The following NOLC1 variants were observed in gnomAD, a reference collection of about 807,000 sequenced individuals.
NOLC1 encodes the protein nucleolar and coiled-body phosphoprotein 1, also known as 140 kDa nucleolar phosphoprotein.
A neutral mutation model predicts 73.4 loss-of-function variants in NOLC1; 37 were observed. The observed-to-expected ratio is 0.50, with a 90% CI of 0.39 to 0.66. The LOEUF (loss-of-function observed/expected upper bound fraction) is 0.66, where lower values mean the gene tolerates loss of function less well. Ranked by LOEUF, NOLC1 falls within the 30% of genes least tolerant of loss-of-function variation. The pLI, the probability that NOLC1 is intolerant of heterozygous loss-of-function variation, is 0.00. For synonymous variants in NOLC1, 327 were observed against 302.6 expected (o/e 1.08, Z -0.84); for missense variants, 921 against 838.9 (o/e 1.10, Z -1.21).
rs1470195120 is a variant in NOLC1 at position 102,160,437 on chromosome 10, C to T, written c.1100-15C>T. The T allele has an allele frequency of 1.4e-5, 23 of 1,612,206 alleles. No individual in the cohort carries two copies. The highest frequency in any genetic ancestry group is 1.9e-5 in the Non-Finnish European group (22 of 1,179,140). ...CAATTTGGGGAGCTGTTGATTCCAT[C>T]CCTTCTGTGTCTAGACTCTGACAGC... is the stretch of plus-strand genomic sequence containing the variant. On this transcript the variant is annotated splice_polypyrimidine_tract_variant and intron_variant, in intron 9 of 12. Transcript: ENST00000605788.
At chr10:102,162,025 T>G (rs1206453224) in intron 12 of NOLC1, 86 bp from the exon 13 acceptor site, 96 of 1,603,696 alleles carry the variant, frequency 6.0e-5, no homozygotes, top group Non-Finnish European at 7.8e-5. Context: ...TGGGTTCAGG[T>G]TTCCTTGAGC....
intron 1 of NOLC1, 131 bp downstream of exon 1, chr10:102,152,661 C>T (rs974335954): frequency 2.5e-5 from 33 of 1,317,198 alleles, no homozygotes; most frequent in Non-Finnish European, 3.0e-5. Context: ...TTTACGCCGA[C>T]CCCTCGGCAG....
intron 1 of NOLC1, among the ~76,000 whole-genome samples, 162 bp from the exon 2 acceptor site, chr10:102,156,857 C>T (rs980630109): frequency 6.6e-6 from 1 of 152,044 alleles, no homozygotes; most frequent in Non-Finnish European, 1.5e-5. Flanking sequence ...TTGGGAAATC[C>T]ACAAATAGAA....
At position 102,162,224 on chromosome 10, in the gene NOLC1, C is replaced by T. The variant is rs1433454030; in HGVS notation, c.2055C>T (p.Gly685=). 1.9e-6 allele frequency: 3 copies of T among 1,614,010 alleles called. No homozygotes were observed. Among genetic ancestry groups the T allele is most frequent in the East Asian group, 4.5e-5 (2 of 44,890 alleles). The change falls in exon 13 of 13, where the codon GGC becomes GGT. Residue 685 remains glycine (G), a synonymous_variant. Transcript: ENST00000605788. ...TKKKRGSYRG[G]SISVQVNSIK... ...AGAAGCGGGGCAGCTACCGGGGAGG[C>T]TCAATCTCTGTCCAGGTCAATTCTA...
chr10:102,156,966 A>G (rs567421058), intron 1 of NOLC1, 53 bp from the exon 2 acceptor site: 70 of 1,552,554 alleles, frequency 4.5e-5, no homozygotes, highest in African/African-American at 3.7e-4. Flanking sequence ...ACATTTAATG[A>G]AAGCATAACC....
chr10:102,155,279 C>T (rs901642944), intron 1 of NOLC1, among the ~76,000 whole-genome samples: 2 of 152,048 alleles, frequency 1.3e-5, no homozygotes, highest in Non-Finnish European at 1.5e-5. Context: ...CCCGCCTCAG[C>T]CTCACAAAGT....
rs754942578 is a variant in NOLC1 at position 102,157,512 on chromosome 10, G to A, written c.398G>A (p.Ser133Asn). The A allele has an allele frequency of 6.2e-7, 1 of 1,614,144 alleles. No individual in the cohort carries two copies. Among genetic ancestry groups the A allele is most frequent in the South Asian group, 1.1e-5 (1 of 91,068 alleles). The change falls in exon 4 of 13, where the codon AGT becomes AAT. Residue 133 changes from serine (S) to asparagine (N), a missense_variant. Coordinates refer to ENST00000605788, the MANE Select transcript of NOLC1 (RefSeq NM_004741.5). ...GAGAGTAGCAGCAGTGAAGAGTCCA[G>A]TGATGATGATGATGAGGAGGACCAA... ...ASESSSSEESSDDDDEEDQKK... is the reference protein window; with the variant it reads ...ASESSSSEESNDDDDEEDQKK...
chr10:102,161,714 T>C, intron 11 of NOLC1, 52 bp downstream of exon 11: 1 of 1,556,504 alleles, frequency 6.4e-7, no homozygotes, highest in Non-Finnish European at 8.8e-7. Flanking sequence ...AGTAGAAAAA[T>C]CTAGGATCAT....
At chr10:102,159,048 G>C in intron 5 of NOLC1, 145 bp from the exon 6 acceptor site, 2 of 898,570 alleles carry the variant, frequency 2.2e-6, no homozygotes, top group Admixed American at 2.8e-5. Flanking sequence ...AACAGAGCCA[G>C]AGCCAGACTC....
intron 1 of NOLC1, among the ~76,000 whole-genome samples, chr10:102,155,419 C>T (rs1478469220): frequency 6.6e-6 from 1 of 151,348 alleles, no homozygotes; most frequent in Non-Finnish European, 1.5e-5. Context: ...ATGGAGGTCT[C>T]ACTGTCTTGC....
At position 102,155,863 on chromosome 10, in the gene NOLC1, C is replaced by CT. The variant is rs529221714; in HGVS notation, c.121-1145dup. Among the ~76,000 whole-genome samples the CT allele has an allele frequency of 6.7e-3, 984 of 147,254 alleles. 8 individuals carry two copies. Among genetic ancestry groups the CT allele is most frequent in the African/African-American group, 0.018 (715 of 40,442 alleles). On this transcript the variant is annotated intron_variant, in intron 1 of 12. Transcript: ENST00000605788. ...CAGTACTTACTAGTCTTGTTTCTTTCTTTTTTTTTTTGAGACAGAGTCTTG... is the reference window on the plus strand; with the variant it reads ...CAGTACTTACTAGTCTTGTTTCTTTCTTTTTTTTTTTTGAGACAGAGTCTTG...
chr10:102,161,452 A>G lies in NOLC1; in HGVS notation c.1742-104A>G, dbSNP rs750250300. 111 of 808,622 alleles carry G rather than the reference A, an allele frequency of 1.4e-4. 1 individual carries two copies. The highest frequency in any genetic ancestry group is 2.2e-4 in the Non-Finnish European group (106 of 492,110). 50.1% of individuals were successfully genotyped at this position (808,622 alleles called of 1,614,324 possible). On this transcript the variant is annotated intron_variant, in intron 10 of 12. Coordinates refer to ENST00000605788, the MANE Select transcript of NOLC1 (RefSeq NM_004741.5). ...TCACTATATTGCCCAGGCTGATCTG[A>G]ATTTCCTGGGCTCAAGCGATCCTCC...
rs2069626331 is a variant in NOLC1, at chr10:102,157,967, C to T, written c.442-82C>T. The T allele has an allele frequency of 4.8e-5, 63 of 1,299,572 alleles. No homozygotes were observed. The East Asian group carries it at 1.4e-3, about 29-fold the overall frequency. 80.5% of individuals were successfully genotyped at this position (1,299,572 alleles called of 1,614,324 possible). On this transcript the variant is annotated intron_variant, in intron 4 of 12. Coordinates refer to ENST00000605788, the MANE Select transcript of NOLC1 (RefSeq NM_004741.5). Reference sequence around the variant, plus strand: ...TTTGCTCTTACTGCTCCATTAGGCCCCTAAAAATAAAAGGAACCTAGGATG... The same window carrying T: ...TTTGCTCTTACTGCTCCATTAGGCCTCTAAAAATAAAAGGAACCTAGGATG...
intron 1 of NOLC1, among the ~76,000 whole-genome samples, chr10:102,154,273 C>A: frequency 7.5e-6 from 1 of 133,420 alleles, no homozygotes; most frequent in Admixed American, 7.7e-5. Flanking sequence ...TTAGTAGAGA[C>A]GGGGTTTCAC....
Position 102,161,825 on chromosome 10 carries a change from T to G in NOLC1, c.1849-8T>G, listed in dbSNP as rs991692149. On this transcript the variant is annotated splice_region_variant and splice_polypyrimidine_tract_variant and intron_variant, in intron 11 of 12. Transcript: ENST00000605788. ...CTGTCTTTAATTTCCTACTTCATTCTTCTGTAGGGAGAAAAAAGGGCATCA... is the reference window on the plus strand; with the variant it reads ...CTGTCTTTAATTTCCTACTTCATTCGTCTGTAGGGAGAAAAAAGGGCATCA... 3.7e-6 allele frequency: 6 copies of G among 1,613,506 alleles called. No individual in the cohort carries two copies. In the African/African-American group the frequency reaches 4.0e-5, roughly 11 times the overall value.
chr10:102,159,857 G>A (rs1196466776), intron 7 of NOLC1, 39 bp from the exon 8 acceptor site: 10 of 1,482,054 alleles, frequency 6.7e-6, no homozygotes, highest in Non-Finnish European at 9.0e-6. Context: ...AAAAGTTGTA[G>A]ACATATCCTA....
At position 102,161,565 on chromosome 10, in the gene NOLC1, AGAAGCG is replaced by A; in HGVS notation, c.1757_1762del (p.Arg586_Lys587del). 4 of 1,613,656 alleles carry A rather than the reference AGAAGCG, an allele frequency of 2.5e-6. No homozygotes were observed. The highest frequency in any genetic ancestry group is 3.4e-6 in the Non-Finnish European group (4 of 1,179,642). The stretch of plus-strand genomic sequence containing the variant: ...GCTTTTTGTTTTGTAGGTTCATTAA[AGAAGCG>A]GAAGCAGAATGAGGCTGCCAAGGAG... On this transcript the variant is annotated inframe_deletion, in exon 11 of 13. Coordinates refer to ENST00000605788, the MANE Select transcript of NOLC1 (RefSeq NM_004741.5).
At chr10:102,160,102 C>T (rs147119346) in intron 8 of NOLC1, 78 bp downstream of exon 8, 24 of 1,588,780 alleles carry the variant, frequency 1.5e-5, no homozygotes, top group Admixed American at 3.6e-5. Context: ...AGAAAGCCTT[C>T]CATCCTTCGG....
chr10:102,155,484 A>T (rs1388037466), intron 1 of NOLC1, among the ~76,000 whole-genome samples: 2 of 149,470 alleles, frequency 1.3e-5, no homozygotes, highest in Middle Eastern at 3.6e-3. Flanking sequence ...TGGCCTGCCA[A>T]AGTGTTAGCG....
Sources: allele counts gnomAD v4.1 joint callset (sites outside exome capture counted in the v4.1 genomes callset), GRCh38; gene constraint gnomAD v4.1.1; transcripts MANE v1.5; gene names NCBI Gene and HGNC (gene_info 2026-07-23, HGNC 2026-07-21).